Variants in RMDN2 observed in about 807,000 individuals in gnomAD.
RMDN2 encodes the protein regulator of microtubule dynamics protein 2.
RMDN2 carries 61 observed loss-of-function variants against 52.8 expected under a neutral mutation model. That is an observed-to-expected ratio of 1.16 (90% CI 0.94 to 1.43). The LOEUF is 1.43. RMDN2 is among the 40% of genes most tolerant of loss of function. The pLI, the probability that RMDN2 is intolerant of heterozygous loss-of-function variation, is 0.00. For synonymous variants in RMDN2, 180 were observed against 153.1 expected, an observed-to-expected ratio of 1.18 and a Z score of -1.30; for missense variants, 592 against 475.3, an observed-to-expected ratio of 1.25 and a Z score of -2.28.
At chr2:38,022,899 G>A (rs1445498197) in intron 10 of RMDN2, among the ~76,000 whole-genome samples, 2 of 152,184 alleles carry the variant, frequency 1.3e-5, no homozygotes, top group Non-Finnish European at 2.9e-5. Flanking sequence ...GACAGGGTCG[G>A]GGTCAGACAA....
At chr2:37,948,513 A>G (rs1668413295) in intron 2 of RMDN2, among the ~76,000 whole-genome samples, 1 of 152,206 alleles carries the variant, frequency 6.6e-6, no homozygotes, top group East Asian at 1.9e-4. Flanking sequence ...AATAAAGAGA[A>G]TTGGGAATGA....
intron 10 of RMDN2, among the ~76,000 whole-genome samples, chr2:38,059,437 A>G (rs1681957540): frequency 6.6e-6 from 1 of 152,238 alleles, no homozygotes; most frequent in African/African-American, 2.4e-5. Context: ...CCACTTTCCA[A>G]GGAACATAAA....
chr2:38,044,332 C>T (rs1331916599), intron 10 of RMDN2, among the ~76,000 whole-genome samples: 1 of 151,820 alleles, frequency 6.6e-6, no homozygotes, highest in Non-Finnish European at 1.5e-5. Flanking sequence ...TGGTTTTCTC[C>T]AGTTTGAATA....
chr2:37,947,832 G>A (rs1383639644), intron 2 of RMDN2, among the ~76,000 whole-genome samples: 1 of 152,126 alleles, frequency 6.6e-6, no homozygotes, highest in Non-Finnish European at 1.5e-5. Context: ...TTTTTAGTTT[G>A]GGGCATGTTC....
At chr2:38,042,111 T>C (rs1295924793) in intron 10 of RMDN2, among the ~76,000 whole-genome samples, 1 of 152,220 alleles carries the variant, frequency 6.6e-6, no homozygotes, top group Non-Finnish European at 1.5e-5. Flanking sequence ...TTATTATTTA[T>C]TGCATTTCTC....
intron 1 of RMDN2, among the ~76,000 whole-genome samples, chr2:37,926,397 A>G (rs532303584): frequency 2.2e-4 from 34 of 152,290 alleles, no homozygotes; most frequent in Non-Finnish European, 1.3e-4. Context: ...TTTTGATGTC[A>G]TTTTAGAATA....
intron 10 of RMDN2, among the ~76,000 whole-genome samples, chr2:38,054,034 T>C (rs569010628): frequency 6.6e-6 from 1 of 152,206 alleles, no homozygotes. Context: ...TGACCACTTA[T>C]CAGATTACTG....
upstream of RMDN2, among the ~76,000 whole-genome samples, chr2:37,923,650 T>C (rs997672400): frequency 6.6e-6 from 1 of 152,180 alleles, no homozygotes; most frequent in African/African-American, 2.4e-5. Flanking sequence ...CTGCAAACCA[T>C]AATAAATAGG....
At chr2:37,927,854 A>C (rs1666412643) in intron 1 of RMDN2, among the ~76,000 whole-genome samples, 1 of 152,244 alleles carries the variant, frequency 6.6e-6, no homozygotes, top group African/African-American at 2.4e-5. Context: ...AATTAGCTAC[A>C]ATTTCAGCTG....
At chr2:38,059,385 G>T (rs1573253027) in intron 10 of RMDN2, among the ~76,000 whole-genome samples, 1 of 152,268 alleles carries the variant, frequency 6.6e-6, no homozygotes, top group Admixed American at 6.5e-5. Flanking sequence ...CAAACCAGTG[G>T]TTGGATATTG....
At chr2:38,044,601 G>T (rs1473157390) in intron 10 of RMDN2, among the ~76,000 whole-genome samples, 2 of 147,666 alleles carry the variant, frequency 1.4e-5, no homozygotes, top group Non-Finnish European at 3.0e-5. Flanking sequence ...TTTTCTGTTT[G>T]CATTTCAATT....
intron 2 of RMDN2, among the ~76,000 whole-genome samples, chr2:37,966,999 C>T (rs2373325): frequency 6.6e-6 from 1 of 152,042 alleles, no homozygotes; most frequent in Admixed American, 6.5e-5. Context: ...ATGGTGAAAT[C>T]ATTGATGCTT....
At chr2:37,971,249 G>C (rs892115368) in intron 2 of RMDN2, among the ~76,000 whole-genome samples, 2 of 152,002 alleles carry the variant, frequency 1.3e-5, no homozygotes, top group Non-Finnish European at 2.9e-5. Context: ...TACATTTTGA[G>C]TTAATTTTTA....
chr2:37,995,262 A>T (rs1675356697), intron 7 of RMDN2, among the ~76,000 whole-genome samples: 1 of 152,016 alleles, frequency 6.6e-6, no homozygotes, highest in Non-Finnish European at 1.5e-5. Flanking sequence ...ACTAAAACAT[A>T]TATATGGTTT....
At chr2:37,959,173 A>T (rs1669866518) in intron 2 of RMDN2, among the ~76,000 whole-genome samples, 1 of 151,032 alleles carries the variant, frequency 6.6e-6, no homozygotes, top group Non-Finnish European at 1.5e-5. Flanking sequence ...TCATAAAATG[A>T]GTTAGGGAGA....
chr2:37,957,075 C>T (rs10865133), intron 2 of RMDN2, among the ~76,000 whole-genome samples: 124,727 of 152,140 alleles, frequency 0.82, 51,347 homozygotes, highest in Middle Eastern at 0.92. Flanking sequence ...TTTGAGTTGG[C>T]TTCAAGTCTT....
chr2:37,935,901 C>G (rs968903121), intron 2 of RMDN2, among the ~76,000 whole-genome samples: 1 of 151,800 alleles, frequency 6.6e-6, no homozygotes, highest in Non-Finnish European at 1.5e-5. Flanking sequence ...GTTTTTGCTC[C>G]TTTTTTCTTT....
chr2:38,037,415 A>G (rs1480785430), intron 10 of RMDN2, among the ~76,000 whole-genome samples: 8 of 152,202 alleles, frequency 5.3e-5, no homozygotes, highest in Admixed American at 3.9e-4. Context: ...CTTGCTGACT[A>G]TTCCCCTAAA....
At chr2:37,947,970 A>G (rs924476842) in intron 2 of RMDN2, among the ~76,000 whole-genome samples, 6 of 152,074 alleles carry the variant, frequency 3.9e-5, no homozygotes, top group African/African-American at 1.2e-4. Context: ...CAGTCCTAGT[A>G]TTGTTCACTG....
Sources: gnomAD v4.1 joint callset for allele counts (sites outside exome capture counted in the v4.1 genomes callset) on GRCh38, gnomAD v4.1.1 for gene constraint, MANE v1.5 for transcripts, NCBI Gene and HGNC (gene_info 2026-07-23, HGNC 2026-07-21) for gene names.